Variants in OSTN observed in about 807,000 individuals in gnomAD.
OSTN encodes the protein osteocrin.
Under a neutral mutation model 12.0 loss-of-function variants are expected in OSTN, and 9 were observed. That is an observed-to-expected ratio of 0.75 (90% CI 0.45 to 1.30). The LOEUF is 1.30. Among genes scored for constraint, OSTN ranks in the 50% most tolerant of loss-of-function variants. OSTN has a pLI of 0.00. For synonymous variants in OSTN, 59 were observed against 56.9 expected, an observed-to-expected ratio of 1.04 and a Z score of -0.16; for missense variants, 148 against 152.3, an observed-to-expected ratio of 0.97 and a Z score of 0.15.
chr3:191,258,105 A>G (rs1481630052), intron 4 of OSTN, among the ~76,000 whole-genome samples: 1 of 152,222 alleles, frequency 6.6e-6, no homozygotes, highest in Non-Finnish European at 1.5e-5. Flanking sequence ...TTCAGAGAAA[A>G]CAGGTAGCAA....
intron 3 of OSTN, among the ~76,000 whole-genome samples, chr3:191,221,309 T>C (rs1714756666): frequency 6.6e-6 from 1 of 152,002 alleles, no homozygotes; most frequent in Non-Finnish European, 1.5e-5. Context: ...GGTGCTGCTA[T>C]AAAGACACCT....
chr3:191,231,857 C>A (rs956683871), intron 3 of OSTN, among the ~76,000 whole-genome samples: 17 of 152,104 alleles, frequency 1.1e-4, no homozygotes, highest in Admixed American at 9.2e-4. Context: ...AACCTATGAA[C>A]CCCTTCTCAG....
chr3:191,202,910 T>A (rs1714183148), intron 1 of OSTN, among the ~76,000 whole-genome samples: 1 of 152,242 alleles, frequency 6.6e-6, no homozygotes. Flanking sequence ...AACATAGTTT[T>A]ATATCAAGAA....
intron 4 of OSTN, among the ~76,000 whole-genome samples, chr3:191,253,691 A>G (rs1194316090): frequency 1.3e-5 from 2 of 152,126 alleles, no homozygotes; most frequent in Non-Finnish European, 2.9e-5. Flanking sequence ...TTAGATGGTG[A>G]ATGTTTATTT....
chr3:191,214,460 A>AAAG (rs1553818025), intron 2 of OSTN, among the ~76,000 whole-genome samples: 1 of 140,912 alleles, frequency 7.1e-6, no homozygotes, highest in Non-Finnish European at 1.6e-5. Flanking sequence ...AAAAAAAAAA[A>AAAG]AACAGCAACA....
Position 191,218,848 on chromosome 3 carries a change from G to A in OSTN, c.204G>A (p.Leu68=). 1 of 1,614,022 alleles carries A rather than the reference G, an allele frequency of 6.2e-7. No individual in the cohort carries two copies. Residue 68 remains leucine, a synonymous_variant, in exon 3 of 5, where the codon TTG becomes TTA. Coordinates refer to ENST00000682035, the MANE Select transcript of OSTN (RefSeq NM_198184.2). The part of the protein sequence containing the change: ...LTAKLLLLDE[L]VSLENDVIET... ...CAAAACTCTTGCTTCTTGATGAATT[G>A]GTGTCCCTAGAAAATGATGTGATTG...
At chr3:191,226,312 G>A (rs1366639613) in intron 3 of OSTN, among the ~76,000 whole-genome samples, 1 of 152,120 alleles carries the variant, frequency 6.6e-6, no homozygotes, top group Non-Finnish European at 1.5e-5. Flanking sequence ...ATAGGTGACA[G>A]AAGAGGTATT....
chr3:191,264,579 T>C lies in OSTN; in HGVS notation c.*1726T>C, dbSNP rs534855512. 3.9e-5 allele frequency: 6 copies of C among 152,240 alleles called. No homozygotes were observed. Among genetic ancestry groups the C allele is most frequent in the South Asian group, 2.1e-4 (1 of 4,828 alleles). 9.4% of individuals were successfully genotyped at this position (152,240 alleles called of 1,614,324 possible). A position where few individuals can be genotyped will look rare whatever the true frequency, so the allele number is the denominator to read the frequency against. On this transcript the variant is annotated 3_prime_UTR_variant, in exon 5 of 5. Coordinates refer to ENST00000682035, the MANE Select transcript of OSTN (RefSeq NM_198184.2). ...TAAACTTGTGTTAGAAAGCTAGCAA[T>C]AGCACATAGGGAAGTATCCTGGAGG...
chr3:191,264,435 A>G lies in OSTN; in HGVS notation c.*1582A>G, dbSNP rs6444529. Reference sequence around the variant, plus strand: ...CTTCTTAGTTTTTCTGGATATTTTTAAAATTGAAAGTCTTCAAAATTAATT... The same window carrying G: ...CTTCTTAGTTTTTCTGGATATTTTTGAAATTGAAAGTCTTCAAAATTAATT... On this transcript the variant is annotated 3_prime_UTR_variant, in exon 5 of 5. Coordinates refer to ENST00000682035, the MANE Select transcript of OSTN (RefSeq NM_198184.2). 6.6e-6 allele frequency: 1 copy of G among 151,832 alleles called. No individual in the cohort carries two copies. The highest frequency in any genetic ancestry group is 2.4e-5 in the African/African-American group (1 of 41,350). 9.4% of individuals were successfully genotyped at this position (151,832 alleles called of 1,614,324 possible). A position where few individuals can be genotyped will look rare whatever the true frequency, so the allele number is the denominator to read the frequency against.
intron 4 of OSTN, among the ~76,000 whole-genome samples, chr3:191,255,070 G>T (rs1715641577): frequency 6.6e-6 from 1 of 152,198 alleles, no homozygotes; most frequent in Admixed American, 6.5e-5. Context: ...GGACCAGGGG[G>T]CAGGGGAGGA....
rs533286038 is a variant in OSTN at position 191,236,450 on chromosome 3, C to CA, written c.318-13580dup. Among the ~76,000 whole-genome samples the CA allele has an allele frequency of 5.4e-4, 82 of 150,798 alleles. 1 individual carries two copies. The highest frequency in any genetic ancestry group is 2.0e-3 in the African/African-American group (81 of 41,062). ...CAATTTTATTACAGAAATGAAGAAACAAAAAAATGCCTACTCCATAGAGAG... is the reference window on the plus strand; with the variant it reads ...CAATTTTATTACAGAAATGAAGAAACAAAAAAAATGCCTACTCCATAGAGAG... On this transcript the variant is annotated intron_variant, in intron 3 of 4. Coordinates refer to ENST00000682035, the MANE Select transcript of OSTN (RefSeq NM_198184.2).
At chr3:191,221,516 G>T (rs569146524) in intron 3 of OSTN, among the ~76,000 whole-genome samples, 2 of 152,308 alleles carry the variant, frequency 1.3e-5, no homozygotes, top group African/African-American at 4.8e-5. Flanking sequence ...TGAGGAACTT[G>T]TTGGGAAATG....
intron 3 of OSTN, among the ~76,000 whole-genome samples, chr3:191,226,451 A>G (rs1376490474): frequency 6.6e-6 from 1 of 152,186 alleles, no homozygotes; most frequent in Non-Finnish European, 1.5e-5. Context: ...ATCTTATTTA[A>G]TGGTTCAGGC....
intron 3 of OSTN, among the ~76,000 whole-genome samples, chr3:191,225,152 AAAG>A (rs1159656875): frequency 3.8e-4 from 58 of 152,292 alleles, no homozygotes; most frequent in African/African-American, 1.4e-3. Flanking sequence ...AGTCATTACA[AAAG>A]AAGAACTTGA....
intron 2 of OSTN, among the ~76,000 whole-genome samples, chr3:191,215,436 A>G (rs896175919): frequency 6.6e-6 from 1 of 152,188 alleles, no homozygotes; most frequent in African/African-American, 2.4e-5. Flanking sequence ...CAGTCCTCCA[A>G]AGTCTTAACT....
In OSTN at chr3:191,247,070, A is replaced by G. The variant is rs149622097; in HGVS notation, c.318-2967A>G. The stretch of plus-strand genomic sequence containing the variant: ...AAGTGGACATCTCTGAGAAGTCATT[A>G]TTCTGACTACCACGAGGAAAATAAC... On this transcript the variant is annotated intron_variant, in intron 3 of 4. Transcript: ENST00000682035. Among the ~76,000 whole-genome samples, 576 of 152,364 alleles carry G rather than the reference A, an allele frequency of 3.8e-3. 2 individuals are homozygous for G. Among genetic ancestry groups the G allele is most frequent in the Non-Finnish European group, 6.4e-3 (432 of 68,026 alleles).
intron 4 of OSTN, among the ~76,000 whole-genome samples, chr3:191,255,574 C>T (rs1715652355): frequency 2.6e-5 from 4 of 152,116 alleles, no homozygotes; most frequent in Admixed American, 2.6e-4. Context: ...TTACACAAAA[C>T]ATTATATTCC....
intron 4 of OSTN, among the ~76,000 whole-genome samples, chr3:191,255,030 G>A (rs902922126): frequency 6.6e-6 from 1 of 152,168 alleles, no homozygotes; most frequent in Non-Finnish European, 1.5e-5. Context: ...CGGCGCCGGG[G>A]ACTGGTTTCC....
At chr3:191,242,331 C>T (rs894622846) in intron 3 of OSTN, among the ~76,000 whole-genome samples, 6 of 152,124 alleles carry the variant, frequency 3.9e-5, no homozygotes, top group African/African-American at 1.2e-4. Flanking sequence ...ACATTAAAAA[C>T]ACTCTAAATA....
Sources: allele counts gnomAD v4.1 joint callset (sites outside exome capture counted in the v4.1 genomes callset), GRCh38; gene constraint gnomAD v4.1.1; transcripts MANE v1.5; gene names NCBI Gene and HGNC (gene_info 2026-07-23, HGNC 2026-07-21).